MED27: variants seen among roughly 807,000 people sequenced by gnomAD.
MED27 encodes the protein mediator complex subunit 27, also known as mediator of RNA polymerase II transcription subunit 27.
MED27 carries 30 observed loss-of-function variants against 38.2 expected under a neutral mutation model. The ratio of observed to expected loss-of-function variants is 0.79; its 90% CI spans 0.59 to 1.07. The LOEUF (loss-of-function observed/expected upper bound fraction) is 1.07. MED27 is among the 50% of genes least tolerant of loss of function. MED27 has a pLI of 0.00. For missense variants in MED27, 289 were observed against 397.5 expected (o/e 0.73, Z 2.32); for synonymous variants, 122 against 153.5 (o/e 0.79, Z 1.52).
intron 3 of MED27, among the ~76,000 whole-genome samples, chr9:132,004,362 T>G (rs1832309257): frequency 6.6e-6 from 1 of 152,356 alleles, no homozygotes; most frequent in Non-Finnish European, 1.5e-5. Context: ...CCCAGAGATT[T>G]TTCTCTTGCC....
chr9:131,963,878 G>T (rs901248366), intron 3 of MED27, among the ~76,000 whole-genome samples: 2 of 152,162 alleles, frequency 1.3e-5, no homozygotes, highest in Non-Finnish European at 2.9e-5. Context: ...GAGGGTCTTT[G>T]ACAGTATGGG....
chr9:131,915,559 G>T (rs1319343114), intron 4 of MED27, among the ~76,000 whole-genome samples: 1 of 152,158 alleles, frequency 6.6e-6, no homozygotes, highest in Non-Finnish European at 1.5e-5. Context: ...GGAAACAATG[G>T]CACTTTTTAA....
intron 4 of MED27, among the ~76,000 whole-genome samples, chr9:131,926,942 T>G (rs1252444779): frequency 6.6e-6 from 1 of 152,242 alleles, no homozygotes; most frequent in Non-Finnish European, 1.5e-5. Flanking sequence ...TACATTTTTC[T>G]ACCTAATAGA....
At position 131,930,032 on chromosome 9, in the gene MED27, CAG is replaced by C. The variant is rs112511169; in HGVS notation, c.573+9347_573+9348del. Among the ~76,000 whole-genome samples the C allele has an allele frequency of 6.7e-3, 1,016 of 150,900 alleles. 11 individuals are homozygous for C. Among genetic ancestry groups the C allele is most frequent in the East Asian group, 0.062 (319 of 5,146 alleles). ...ATCTCCAGCTCCAGGTGGCTTAGCA[CAG>C]AGAGAGAGAGAGGCTCCCTTTGTTT... On this transcript the variant is annotated intron_variant, in intron 4 of 7. Transcript: ENST00000292035.
Position 131,982,372 on chromosome 9 carries a change from C to T in MED27, c.479+31965G>A, listed in dbSNP as rs1008929555. On this transcript the variant is annotated intron_variant, in intron 3 of 7. Coordinates refer to ENST00000292035, the MANE Select transcript of MED27 (RefSeq NM_004269.4). This position sits in a 1 kb window ranked among gnomAD's most constrained non-coding sequence, Gnocchi z 4.3. ...GGAAAGAGAATCAGCTCCCAACCAA[C>T]CACACAACTGAATACAACTCCCTGA... 7.2e-5 allele frequency among the ~76,000 whole-genome samples: 11 copies of T among 152,198 alleles called. No homozygotes were observed. Among genetic ancestry groups the T allele is most frequent in the African/African-American group, 2.7e-4 (11 of 41,448 alleles).
chr9:132,064,840 A>G (rs1257572780), intron 2 of MED27, among the ~76,000 whole-genome samples: 1 of 152,204 alleles, frequency 6.6e-6, no homozygotes, highest in Non-Finnish European at 1.5e-5. Flanking sequence ...CCTTTCTGAC[A>G]GGAAGGACTG....
chr9:132,013,813 T>C (rs1026669606), intron 3 of MED27, among the ~76,000 whole-genome samples: 18 of 152,194 alleles, frequency 1.2e-4, no homozygotes, highest in Admixed American at 3.3e-4. Context: ...ACAAAATATG[T>C]AAAATAAACT....
chr9:131,940,381 C>T (rs1830765181), intron 3 of MED27, among the ~76,000 whole-genome samples: 1 of 152,024 alleles, frequency 6.6e-6, no homozygotes, highest in South Asian at 2.1e-4. Context: ...TTTACTTATA[C>T]AGCTTTCTGT....
chr9:131,962,587 T>A lies in MED27; in HGVS notation c.480-23113A>T, dbSNP rs539573325. Among the ~76,000 whole-genome samples the A allele has an allele frequency of 2.2e-4, 34 of 152,248 alleles. No individual in the cohort carries two copies. The South Asian group carries it at 6.8e-3, about 31-fold the overall frequency. ...AGGAGTATTATATTCTGATCCACTC[T>A]TACTTTTCCAGCAATAAATTCTGGT... On this transcript the variant is annotated intron_variant, in intron 3 of 7. Coordinates refer to ENST00000292035, the MANE Select transcript of MED27 (RefSeq NM_004269.4).
At chr9:131,914,172 A>G (rs1830243872) in intron 4 of MED27, among the ~76,000 whole-genome samples, 1 of 152,220 alleles carries the variant, frequency 6.6e-6, no homozygotes, top group Non-Finnish European at 1.5e-5. Context: ...TATGGAAATC[A>G]GGCACTCAAA....
chr9:132,001,335 T>C (rs777004563), intron 3 of MED27, among the ~76,000 whole-genome samples: 1 of 152,170 alleles, frequency 6.6e-6, no homozygotes, highest in African/African-American at 2.4e-5. Flanking sequence ...TTATATACTT[T>C]AAACAGGTAT....
chr9:131,942,126 C>T (rs1056131708), intron 3 of MED27, among the ~76,000 whole-genome samples: 7 of 152,030 alleles, frequency 4.6e-5, no homozygotes, highest in Non-Finnish European at 7.4e-5. Flanking sequence ...TGCCCAGCCT[C>T]TGCTGATTTT....
intron 4 of MED27, among the ~76,000 whole-genome samples, chr9:131,915,037 A>C (rs1455472836): frequency 1.3e-5 from 2 of 152,234 alleles, no homozygotes; most frequent in Non-Finnish European, 1.5e-5. Flanking sequence ...AAGTCCAGGG[A>C]AAGGCCAAGA....
At chr9:132,006,901 G>T (rs761563383) in intron 3 of MED27, among the ~76,000 whole-genome samples, 44 of 152,148 alleles carry the variant, frequency 2.9e-4, no homozygotes, top group Non-Finnish European at 2.4e-4. Context: ...AACAACATGA[G>T]CCTCTGACTT....
chr9:131,999,494 A>G (rs901888311), intron 3 of MED27, among the ~76,000 whole-genome samples: 10 of 152,210 alleles, frequency 6.6e-5, no homozygotes, highest in African/African-American at 2.2e-4. Context: ...TGACCCCAGA[A>G]GAAAGGCCTT....
At chr9:132,027,330 C>A (rs1832846584) in intron 2 of MED27, among the ~76,000 whole-genome samples, 1 of 152,226 alleles carries the variant, frequency 6.6e-6, no homozygotes, top group South Asian at 2.1e-4. Context: ...CCCACCGCAG[C>A]CCAACTGCTC....
chr9:132,069,900 G>T lies in MED27; in HGVS notation c.348+7542C>A, dbSNP rs576048299. 1.2e-4 allele frequency among the ~76,000 whole-genome samples: 18 copies of T among 152,294 alleles called. No homozygotes were observed. In the East Asian group the frequency reaches 3.5e-3, roughly 29 times the overall value. ...TAGAATGCTCTGTCAGAGTTCTCCT[G>T]ACTGCACACCGCCAGGCACAGCTTC... On this transcript the variant is annotated intron_variant, in intron 2 of 7. Coordinates refer to ENST00000292035, the MANE Select transcript of MED27 (RefSeq NM_004269.4).
At chr9:132,019,202 C>T (rs187300355) in intron 2 of MED27, among the ~76,000 whole-genome samples, 88 of 152,306 alleles carry the variant, frequency 5.8e-4, no homozygotes, top group Non-Finnish European at 2.5e-4. Flanking sequence ...CTCTAGGGCA[C>T]AGACCTTGTT....
intron 3 of MED27, among the ~76,000 whole-genome samples, chr9:131,954,294 G>A (rs1349432003): frequency 6.6e-6 from 1 of 152,154 alleles, no homozygotes. Flanking sequence ...GTGAGCACAG[G>A]AGGAGGGCCT....
Sources: allele counts gnomAD v4.1 joint callset (sites outside exome capture counted in the v4.1 genomes callset), GRCh38; gene constraint gnomAD v4.1.1; non-coding constraint Gnocchi (gnomAD v3.1); transcripts MANE v1.5; gene names NCBI Gene and HGNC (gene_info 2026-07-23, HGNC 2026-07-21).